ANKRD17: variants seen among roughly 807,000 people sequenced by gnomAD.
The protein encoded by ANKRD17 is ankyrin repeat domain 17.
A neutral mutation model predicts 229.7 loss-of-function variants in ANKRD17; 19 were observed. That is an observed-to-expected ratio of 0.08 (90% CI 0.06 to 0.12). The LOEUF (loss-of-function observed/expected upper bound fraction) is 0.12. Among genes scored for constraint, ANKRD17 ranks in the 10% least tolerant of loss-of-function variants. The probability of loss-of-function intolerance (pLI) is 1.00; values close to 1 mark genes in which losing one functional copy is unlikely to be tolerated. For synonymous variants in ANKRD17, 1,112 were observed against 1,146.1 expected (o/e 0.97, Z 0.60); for missense variants, 2,176 against 3,176.8 (o/e 0.68, Z 7.57).
intron 24 of ANKRD17, 49 bp from the exon 25 acceptor site, chr4:73,102,596 A>G: frequency 6.4e-7 from 1 of 1,567,104 alleles, no homozygotes; most frequent in Non-Finnish European, 8.6e-7. Context: ...TTTACCCTGG[A>G]GAAGAAGTTG....
chr4:73,109,601 A>C (rs1038983061), intron 24 of ANKRD17, among the ~76,000 whole-genome samples: 1 of 152,180 alleles, frequency 6.6e-6, no homozygotes, highest in African/African-American at 2.4e-5. Flanking sequence ...ACAGTGGTCT[A>C]AATGAATGGA....
At chr4:73,216,498 T>C (rs1424186791) in intron 1 of ANKRD17, among the ~76,000 whole-genome samples, 1 of 152,140 alleles carries the variant, frequency 6.6e-6, no homozygotes, top group Non-Finnish European at 1.5e-5. Flanking sequence ...GGTGACAGCA[T>C]AAGGATAGAA....
At position 73,258,526 on chromosome 4, in the gene ANKRD17, G is replaced by A. The variant is rs1227586946; in HGVS notation, c.143C>T (p.Ala48Val). 2.0e-6 allele frequency: 3 copies of A among 1,535,754 alleles called. No homozygotes were observed. Among genetic ancestry groups the A allele is most frequent in the African/African-American group, 1.4e-5 (1 of 72,244 alleles). The change falls in exon 1 of 34, where the codon GCC (alanine) becomes GTC (valine). Residue 48 changes from alanine to valine, a missense_variant. Coordinates refer to ENST00000358602, the MANE Select transcript of ANKRD17 (RefSeq NM_032217.5). The stretch of plus-strand genomic sequence containing the variant: ...TCGCACCATCCCACGAGGAGACGAG[G>A]CCGAGCGAGCTCTGCTGCTGCCGCC... ...GVGGSSRARS[A>V]SSPRGMVRVC...
chr4:73,127,362 T>C (rs1206201104), intron 16 of ANKRD17, among the ~76,000 whole-genome samples: 1 of 152,204 alleles, frequency 6.6e-6, no homozygotes, highest in African/African-American at 2.4e-5. Flanking sequence ...TAAAACAATA[T>C]TTGGATATAT....
intron 3 of ANKRD17, among the ~76,000 whole-genome samples, chr4:73,158,186 AAGAGAG>A (rs150543736): frequency 2.7e-5 from 3 of 111,956 alleles, no homozygotes; most frequent in East Asian, 2.6e-4. Context: ...GAAAGAAAGA[AAGAGAG>A]AGAAAGAAAG....
intron 1 of ANKRD17, among the ~76,000 whole-genome samples, chr4:73,249,126 G>A (rs111892040): frequency 2.4e-4 from 37 of 152,186 alleles, no homozygotes; most frequent in African/African-American, 7.9e-4. Flanking sequence ...CAAACTAATG[G>A]AACCAACCTT....
chr4:73,095,844 C>T (rs1023988504), intron 27 of ANKRD17, among the ~76,000 whole-genome samples: 11 of 151,806 alleles, frequency 7.2e-5, no homozygotes, highest in Non-Finnish European at 1.6e-4. Context: ...AACCACATGC[C>T]CAGCTAATTT....
chr4:73,195,396 T>C (rs1202882205), intron 1 of ANKRD17, among the ~76,000 whole-genome samples: 2 of 152,186 alleles, frequency 1.3e-5, no homozygotes, highest in Non-Finnish European at 2.9e-5. Context: ...GGAAATGTAA[T>C]CCCTCATCAT....
intron 1 of ANKRD17, among the ~76,000 whole-genome samples, chr4:73,240,022 T>C (rs570267931): frequency 2.6e-5 from 4 of 152,236 alleles, no homozygotes; most frequent in South Asian, 4.1e-4. Flanking sequence ...CCTAGTTCAT[T>C]TGAAATAGAT....
intron 1 of ANKRD17, among the ~76,000 whole-genome samples, chr4:73,236,522 T>C (rs569956655): frequency 1.3e-3 from 191 of 152,266 alleles, no homozygotes; most frequent in African/African-American, 4.5e-3. Flanking sequence ...TCAAAAACTC[T>C]ATATCCCAGA....
chr4:73,091,287 G>C lies in ANKRD17; in HGVS notation c.6341C>G (p.Ser2114Cys), dbSNP rs77542298. The C allele has an allele frequency of 7.4e-6, 12 of 1,614,222 alleles. No homozygotes were observed. The highest frequency in any genetic ancestry group is 1.0e-5 in the Non-Finnish European group (12 of 1,180,046). The change falls in exon 29 of 34, where the codon TCT (serine) becomes TGT (cysteine). Residue 2114 changes from serine to cysteine, a missense_variant. Ser to Cys is a moderately radical substitution (Grantham distance 112). This residue lies in a region of ANKRD17 where 424 missense variants were observed against 454.0 expected (regional missense o/e 0.93). Coordinates refer to ENST00000358602, the MANE Select transcript of ANKRD17 (RefSeq NM_032217.5). The part of the protein sequence containing the change: ...AHSNQQQPPG[S>C]VSQEPRPPLQ... ...AGGTGGTCTTGGTTCCTGAGAAACAGATCCCGGAGGTTGTTGCTGATTAGA... is the reference window on the plus strand; with the variant it reads ...AGGTGGTCTTGGTTCCTGAGAAACACATCCCGGAGGTTGTTGCTGATTAGA...
intron 1 of ANKRD17, among the ~76,000 whole-genome samples, chr4:73,204,310 G>A (rs1415707362): frequency 7.4e-6 from 1 of 135,990 alleles, no homozygotes; most frequent in African/African-American, 2.8e-5. Flanking sequence ...GCAGTGAGCC[G>A]AGATCACGTC....
At position 73,258,448 on chromosome 4, in the gene ANKRD17, G is replaced by T; in HGVS notation, c.221C>A (p.Ala74Asp). Reference protein sequence around the residue: ...KKPPQQQHHKAKRNRTCRPPS... With the variant: ...KKPPQQQHHKDKRNRTCRPPS... ...GGGTCGGCAAGTCCGGTTACGCTTG[G>T]CCTTGTGGTGCTGCTGCTGCGGCGG... is the stretch of plus-strand genomic sequence containing the variant. The change falls in exon 1 of 34, where the codon GCC becomes GAC. Residue 74 changes from alanine (A) to aspartate (D), a missense_variant. This residue lies in a region of ANKRD17 where 196 missense variants were observed against 190.0 expected (regional missense o/e 1.03). Coordinates refer to ENST00000358602, the MANE Select transcript of ANKRD17 (RefSeq NM_032217.5). 1 of 1,608,860 alleles carries T rather than the reference G, an allele frequency of 6.2e-7. No individual in the cohort carries two copies.
intron 24 of ANKRD17, among the ~76,000 whole-genome samples, chr4:73,106,811 G>A (rs555477443): frequency 6.0e-5 from 9 of 150,896 alleles, no homozygotes; most frequent in Admixed American, 2.0e-4. Context: ...CCCAGGAGGC[G>A]GAGGTTGCAG....
At chr4:73,095,843 C>T (rs1013779131) in intron 27 of ANKRD17, among the ~76,000 whole-genome samples, 12 of 151,912 alleles carry the variant, frequency 7.9e-5, no homozygotes, top group South Asian at 4.1e-4. Flanking sequence ...AAACCACATG[C>T]CCAGCTAATT....
chr4:73,114,012 A>G (rs1020866080), intron 23 of ANKRD17, 104 bp from the exon 24 acceptor site: 17 of 724,838 alleles, frequency 2.3e-5, no homozygotes, highest in African/African-American at 3.5e-5. Context: ...AACCTAAGCA[A>G]TAAAGATCCA....
Position 73,140,396 on chromosome 4 carries a change from C to G in ANKRD17, c.2333-113G>C, listed in dbSNP as rs75686646. 1,590 of 1,093,160 alleles carry G rather than the reference C, an allele frequency of 1.5e-3. 14 individuals carry two copies. In the East Asian group the frequency reaches 0.024, roughly 17 times the overall value. 67.7% of individuals were successfully genotyped at this position (1,093,160 alleles called of 1,614,324 possible). The stretch of plus-strand genomic sequence containing the variant: ...ATGCACTAAGTAATCATATCCATAA[C>G]AGGTGAAAATGCACTGTTAAAAAAT... On this transcript the variant is annotated intron_variant, in intron 14 of 33. Transcript: ENST00000358602.
chr4:73,088,692 T>A lies in ANKRD17; in HGVS notation c.6961+1975A>T, dbSNP rs999491347. On this transcript the variant is annotated intron_variant, in intron 29 of 33. Coordinates refer to ENST00000358602, the MANE Select transcript of ANKRD17 (RefSeq NM_032217.5). ...TTCATAGTACACATAAATATTTCAG[T>A]TGACTTTTAGCAAAGAATATTTACT... Among the ~76,000 whole-genome samples, 3 of 152,198 alleles carry A rather than the reference T, an allele frequency of 2.0e-5. No individual in the cohort carries two copies. The South Asian group carries it at 6.2e-4, about 31-fold the overall frequency.
rs547810667 is a variant in ANKRD17, at chr4:73,176,358, TAAATTAATACAACC to T, written c.547+1008_547+1021del. ...TCCTCATATACTATTGGTGAGAATG[TAAATTAATACAACC>T]ATATGGAGAACAGTTTGGAAGTCCC... On this transcript the variant is annotated intron_variant, in intron 2 of 33. Coordinates refer to ENST00000358602, the MANE Select transcript of ANKRD17 (RefSeq NM_032217.5). Among the ~76,000 whole-genome samples, 702 of 152,250 alleles carry T rather than the reference TAAATTAATACAACC, an allele frequency of 4.6e-3. 5 individuals carry two copies. The highest frequency in any genetic ancestry group is 0.034 in the Middle Eastern group (10 of 294).
Sources: gnomAD v4.1 joint callset for allele counts (sites outside exome capture counted in the v4.1 genomes callset) on GRCh38, gnomAD v4.1.1 for gene constraint, gnomAD v4.1.1 regional missense constraint, MANE v1.5 for transcripts, NCBI Gene and HGNC (gene_info 2026-07-23, HGNC 2026-07-21) for gene names.